Variants in GPHN observed in about 807,000 individuals in gnomAD.
The protein encoded by GPHN is gephyrin.
GPHN carries 17 observed loss-of-function variants against 95.5 expected under a neutral mutation model. The ratio of observed to expected loss-of-function variants is 0.18; its 90% confidence interval spans 0.12 to 0.27. The LOEUF (loss-of-function observed/expected upper bound fraction) is 0.27, where lower values mean the gene tolerates loss of function less well. Ranked by LOEUF, GPHN falls within the 10% of genes least tolerant of loss-of-function variation. The pLI, the probability that GPHN is intolerant of heterozygous loss-of-function variation, is 1.00. For missense variants in GPHN, 660 were observed against 978.1 expected, an observed-to-expected ratio of 0.67 and a Z score of 4.34; for synonymous variants, 320 against 322.5, an observed-to-expected ratio of 0.99 and a Z score of 0.08.
intron 19 of GPHN, among the ~76,000 whole-genome samples, chr14:67,164,059 G>A (rs1480744615): frequency 6.6e-6 from 1 of 151,636 alleles, no homozygotes; most frequent in African/African-American, 2.4e-5. Flanking sequence ...ACCTGAGGTC[G>A]GGAGTTCAAG....
At chr14:67,346,408 C>T in the GPHN span, among the ~76,000 whole-genome samples, 1 of 152,180 alleles carries the variant, frequency 6.6e-6, no homozygotes, top group African/African-American at 2.4e-5. Context: ...ACTTCTCAGG[C>T]TCAAGCAATC....
chr14:67,584,979 G>A, the GPHN span: 1 of 152,368 alleles, frequency 6.6e-6, no homozygotes, highest in African/African-American at 2.4e-5. Flanking sequence ...CCTCCCTTTG[G>A]GTTAAGAGAG....
chr14:66,921,441 ATTGT>A (rs1325564715), intron 6 of GPHN, among the ~76,000 whole-genome samples: 2 of 140,038 alleles, frequency 1.4e-5, no homozygotes, highest in Non-Finnish European at 3.1e-5. Context: ...TTTTGATGGG[ATTGT>A]TTTTTTTTTT....
chr14:67,165,220 C>G lies in GPHN; in HGVS notation c.1969C>G (p.Leu657Val). The change falls in exon 20 of 23, where the codon CTA (leucine) becomes GTA (valine). Residue 657 changes from leucine (L) to valine (V), a missense_variant. By Grantham distance (32) the Leu-to-Val change is conservative. Transcript: ENST00000478722. ...TGGTGTAAGAAAAATAATCTTTGCA[C>G]TACCTGGTAAGAATAACAAATTGTT... ...IDGVRKIIFALPGNPVSAVVT... is the reference protein window; with the variant it reads ...IDGVRKIIFAVPGNPVSAVVT... The G allele has an allele frequency of 6.3e-7, 1 of 1,598,860 alleles. No homozygotes were observed. The highest frequency in any genetic ancestry group is 1.1e-5 in the South Asian group (1 of 90,808).
the GPHN span, chr14:67,278,996 T>C: frequency 3.0e-5 from 17 of 570,346 alleles, no homozygotes; most frequent in East Asian, 9.6e-5. Flanking sequence ...TACACTTTTT[T>C]CCCCCCCATC....
chr14:67,522,858 C>G, the GPHN span, among the ~76,000 whole-genome samples: 1 of 152,246 alleles, frequency 6.6e-6, no homozygotes, highest in Non-Finnish European at 1.5e-5. Context: ...TGCTAGAACC[C>G]TGCCACCTTC....
At chr14:67,364,697 G>A in the GPHN span, 1 of 1,434,100 alleles carries the variant, frequency 7.0e-7, no homozygotes, top group East Asian at 2.5e-5. Context: ...GTGGCAGGAT[G>A]TGGAAATTGA....
chr14:66,616,556 G>A (rs1401335633), intron 1 of GPHN, among the ~76,000 whole-genome samples: 24 of 152,034 alleles, frequency 1.6e-4, no homozygotes, highest in Admixed American at 1.6e-3. Context: ...GTCACTCAAG[G>A]AGGCTGCAGA....
chr14:66,942,366 G>A (rs1303288146), intron 8 of GPHN, among the ~76,000 whole-genome samples: 1 of 152,140 alleles, frequency 6.6e-6, no homozygotes, highest in Admixed American at 6.6e-5. Flanking sequence ...ATTTCTTTAT[G>A]AGTCCTGTAC....
At chr14:67,222,935 C>A in the GPHN span, among the ~76,000 whole-genome samples, 1 of 150,520 alleles carries the variant, frequency 6.6e-6, no homozygotes, top group Admixed American at 6.6e-5. Context: ...CCACAAAAAA[C>A]AGCAAATCAT....
intron 3 of GPHN, among the ~76,000 whole-genome samples, chr14:66,785,659 T>C (rs1305847781): frequency 6.9e-6 from 1 of 145,802 alleles, no homozygotes; most frequent in East Asian, 2.0e-4. Context: ...AAAACAGTAC[T>C]TAAAAATTGA....
chr14:66,957,187 C>CT (rs1157690518), intron 8 of GPHN, among the ~76,000 whole-genome samples: 1,699 of 84,828 alleles, frequency 0.02, 188 homozygotes, highest in African/African-American at 0.035. Flanking sequence ...TTCTTTCTTT[C>CT]TTTTTTTTTT....
chr14:66,538,495 G>A (rs977312441), intron 1 of GPHN, among the ~76,000 whole-genome samples: 1 of 151,324 alleles, frequency 6.6e-6, no homozygotes, highest in Non-Finnish European at 1.5e-5. Flanking sequence ...TTTTTGTTGA[G>A]CTATTTTTTA....
chr14:67,159,198 GT>G (rs2081816970), intron 18 of GPHN, among the ~76,000 whole-genome samples: 1 of 151,998 alleles, frequency 6.6e-6, no homozygotes, highest in Non-Finnish European at 1.5e-5. Context: ...ACATAGACTG[GT>G]ACTCATCATA....
chr14:66,688,424 A>G (rs1361197508), intron 2 of GPHN, among the ~76,000 whole-genome samples: 1 of 152,190 alleles, frequency 6.6e-6, no homozygotes, highest in Non-Finnish European at 1.5e-5. Flanking sequence ...GTATTGTTCA[A>G]GGGTCTAACT....
chr14:66,719,751 A>G (rs1378024511), intron 2 of GPHN, among the ~76,000 whole-genome samples: 1 of 152,182 alleles, frequency 6.6e-6, no homozygotes, highest in South Asian at 2.1e-4. Context: ...TAACATAAGG[A>G]TGAGACCCAG....
At chr14:67,327,266 G>A in the GPHN span, among the ~76,000 whole-genome samples, 19 of 151,938 alleles carry the variant, frequency 1.3e-4, no homozygotes, top group African/African-American at 3.9e-4. Context: ...CATTTCTCTT[G>A]GATAAACACC....
At chr14:66,892,002 A>G (rs556677357) in intron 5 of GPHN, among the ~76,000 whole-genome samples, 18 of 152,198 alleles carry the variant, frequency 1.2e-4, no homozygotes, top group Non-Finnish European at 2.2e-4. Context: ...GTTTAGAAAC[A>G]TTGTGTATTG....
chr14:67,149,412 C>A (rs571385681), intron 18 of GPHN, among the ~76,000 whole-genome samples: 1 of 152,166 alleles, frequency 6.6e-6, no homozygotes, highest in South Asian at 2.1e-4. Context: ...TTCAAATGAA[C>A]CAAATGTTTT....
Sources: allele counts gnomAD v4.1 joint callset (sites outside exome capture counted in the v4.1 genomes callset), GRCh38; gene constraint gnomAD v4.1.1; transcripts MANE v1.5; gene names NCBI Gene and HGNC (gene_info 2026-07-23, HGNC 2026-07-21).